NEK10: variants seen among roughly 807,000 people sequenced by gnomAD.
NEK10 encodes the protein serine/threonine-protein kinase Nek10.
A neutral mutation model predicts 159.8 loss-of-function variants in NEK10; 122 were observed. The ratio of observed to expected loss-of-function variants is 0.76; its 90% CI spans 0.66 to 0.89. The LOEUF is 0.89. NEK10 is among the 40% of genes least tolerant of loss of function. The probability of loss-of-function intolerance (pLI) is 0.00; values close to 1 mark genes in which losing one functional copy is unlikely to be tolerated. For synonymous variants in NEK10, 466 were observed against 457.1 expected, an observed-to-expected ratio of 1.02 and a Z score of -0.25; for missense variants, 1,342 against 1,323.1, an observed-to-expected ratio of 1.01 and a Z score of -0.22.
At chr3:27,201,894 C>G (rs985382349) in intron 24 of NEK10, among the ~76,000 whole-genome samples, 5 of 152,096 alleles carry the variant, frequency 3.3e-5, no homozygotes, top group Non-Finnish European at 5.9e-5. Flanking sequence ...CGCAGTGGCT[C>G]ACGTCTATAA....
intron 26 of NEK10, among the ~76,000 whole-genome samples, chr3:27,187,892 ACATCCAT>A (rs1228934085): frequency 1.3e-5 from 2 of 152,202 alleles, no homozygotes; most frequent in African/African-American, 2.4e-5. Context: ...GTATTCACAA[ACATCCAT>A]CATCTAGCTC....
At chr3:27,202,403 C>A in intron 24 of NEK10, 25 bp downstream of exon 24, 1 of 1,585,056 alleles carries the variant, frequency 6.3e-7, no homozygotes, top group Non-Finnish European at 8.6e-7. Context: ...TACACGAGAC[C>A]CTTCTGTCTC....
intron 1 of NEK10, among the ~76,000 whole-genome samples, chr3:27,358,820 CT>C (rs984830965): frequency 6.6e-6 from 1 of 152,030 alleles, no homozygotes; most frequent in Non-Finnish European, 1.5e-5. Context: ...CCACAAATAT[CT>C]TTTTTTTCCT....
At chr3:27,285,056 T>G in intron 20 of NEK10, 95 bp from the exon 21 acceptor site, 3 of 882,502 alleles carry the variant, frequency 3.4e-6, no homozygotes, top group Non-Finnish European at 5.1e-6. Flanking sequence ...CCAGTGTCTG[T>G]GCGGGACACT....
At chr3:27,240,486 T>C (rs1954424038) in intron 23 of NEK10, among the ~76,000 whole-genome samples, 1 of 152,164 alleles carries the variant, frequency 6.6e-6, no homozygotes, top group African/African-American at 2.4e-5. Flanking sequence ...TCTCTAAATA[T>C]AAAGTCACAT....
intron 35 of NEK10, among the ~76,000 whole-genome samples, chr3:27,115,137 T>G (rs1383389502): frequency 2.6e-5 from 4 of 152,176 alleles, no homozygotes. Flanking sequence ...TGATGGAGAT[T>G]GGAGGATAAA....
chr3:27,324,324 T>C (rs1288207614), intron 5 of NEK10, among the ~76,000 whole-genome samples: 2 of 152,340 alleles, frequency 1.3e-5, no homozygotes, highest in East Asian at 3.9e-4. Context: ...AGGATACTTG[T>C]ACCCAAAGAG....
intron 23 of NEK10, among the ~76,000 whole-genome samples, chr3:27,227,368 G>T (rs928327047): frequency 2.0e-5 from 3 of 152,218 alleles, no homozygotes; most frequent in Non-Finnish European, 4.4e-5. Context: ...GCTTGTGGAA[G>T]TTCTCTTCCA....
chr3:27,240,213 C>T (rs1478631363), intron 23 of NEK10, among the ~76,000 whole-genome samples: 1 of 152,122 alleles, frequency 6.6e-6, no homozygotes, highest in East Asian at 1.9e-4. Context: ...GCATTGCCTA[C>T]TCTGAGTCAC....
chr3:27,333,331 A>G (rs1187310263), intron 5 of NEK10, among the ~76,000 whole-genome samples: 2 of 151,984 alleles, frequency 1.3e-5, no homozygotes, highest in Non-Finnish European at 2.9e-5. Flanking sequence ...AGATCACTTG[A>G]GGTCAGGAGA....
chr3:27,210,531 C>A (rs1242185710), intron 23 of NEK10, among the ~76,000 whole-genome samples: 1 of 152,166 alleles, frequency 6.6e-6, no homozygotes, highest in Non-Finnish European at 1.5e-5. Flanking sequence ...TATAACGAGA[C>A]CACCTTCACT....
rs746807903 is a variant in NEK10 at position 27,174,652 on chromosome 3, T to G, written c.2687A>C (p.Lys896Thr). 3.1e-6 allele frequency: 5 copies of G among 1,609,176 alleles called. No homozygotes were observed. The South Asian group carries it at 5.5e-5, about 18-fold the overall frequency. The change falls in exon 27 of 36, where the codon AAA (lysine) becomes ACA (threonine). Residue 896 changes from lysine to threonine, a missense_variant and splice_region_variant. Physicochemically the swap from Lys to Thr is moderately conservative, Grantham distance 78. Transcript: ENST00000691995. The part of the protein sequence containing the change: ...DDNFNLENAE[K>T]DTYSEVDDEL... ...TGACACACTGCCACTAGCAGTACCT[T>G]TCTCAGCATTTTCCAGGTTGAAGTT... is the stretch of plus-strand genomic sequence containing the variant.
intron 35 of NEK10, among the ~76,000 whole-genome samples, chr3:27,111,676 A>G (rs1049672262): frequency 3.3e-5 from 5 of 152,208 alleles, no homozygotes; most frequent in Non-Finnish European, 7.4e-5. Flanking sequence ...GATTCAATGT[A>G]GATTTGTTAT....
At chr3:27,327,995 T>G (rs567531514) in intron 5 of NEK10, among the ~76,000 whole-genome samples, 1 of 151,934 alleles carries the variant, frequency 6.6e-6, no homozygotes, top group African/African-American at 2.4e-5. Context: ...TTTAGGGAAT[T>G]CTCACTGACT....
At chr3:27,262,942 C>T (rs1335745557) in intron 22 of NEK10, among the ~76,000 whole-genome samples, 2 of 151,994 alleles carry the variant, frequency 1.3e-5, no homozygotes, top group Non-Finnish European at 2.9e-5. Flanking sequence ...CCTGCCCCAT[C>T]TTTGTGGTTT....
intron 1 of NEK10, among the ~76,000 whole-genome samples, chr3:27,359,909 A>G (rs2048564909): frequency 6.6e-6 from 1 of 152,250 alleles, no homozygotes; most frequent in Non-Finnish European, 1.5e-5. Flanking sequence ...AATCTCACAA[A>G]TATACAGTGC....
intron 5 of NEK10, among the ~76,000 whole-genome samples, chr3:27,336,892 A>G (rs1295992470): frequency 2.0e-5 from 3 of 152,146 alleles, no homozygotes; most frequent in African/African-American, 7.2e-5. Flanking sequence ...TTCAGCCAAT[A>G]TCATACTGAA....
intron 23 of NEK10, among the ~76,000 whole-genome samples, chr3:27,253,818 T>C (rs1253336518): frequency 6.6e-6 from 1 of 151,984 alleles, no homozygotes; most frequent in Non-Finnish European, 1.5e-5. Flanking sequence ...TTAATGAAAA[T>C]AAGAATTATA....
At chr3:27,249,784 G>T (rs1261893356) in intron 23 of NEK10, among the ~76,000 whole-genome samples, 1 of 152,020 alleles carries the variant, frequency 6.6e-6, no homozygotes, top group Non-Finnish European at 1.5e-5. Flanking sequence ...TGGTTGTTTT[G>T]GGGTATTCTC....
Sources: allele counts gnomAD v4.1 joint callset (sites outside exome capture counted in the v4.1 genomes callset), GRCh38; gene constraint gnomAD v4.1.1; transcripts MANE v1.5; gene names NCBI Gene and HGNC (gene_info 2026-07-23, HGNC 2026-07-21).